The following SELENOI variants were observed in gnomAD, a reference collection of about 807,000 sequenced individuals.
The protein encoded by SELENOI is ethanolaminephosphotransferase 1.
A neutral mutation model predicts 50.7 loss-of-function variants in SELENOI; 24 were observed. The observed-to-expected ratio is 0.47, with a 90% CI of 0.34 to 0.67. The LOEUF (loss-of-function observed/expected upper bound fraction) is 0.67. Among genes scored for constraint, SELENOI ranks in the 30% least tolerant of loss-of-function variants. The probability of loss-of-function intolerance (pLI) is 0.01; values close to 1 mark genes in which losing one functional copy is unlikely to be tolerated. For synonymous variants in SELENOI, 155 were observed against 170.2 expected, an observed-to-expected ratio of 0.91 and a Z score of 0.70; for missense variants, 352 against 461.4, an observed-to-expected ratio of 0.76 and a Z score of 2.17.
chr2:26,386,014 C>G (rs1301675738), intron 8 of SELENOI, among the ~76,000 whole-genome samples: 2 of 151,780 alleles, frequency 1.3e-5, no homozygotes, highest in African/African-American at 4.8e-5. Context: ...GTGTGGGAGG[C>G]TATTTTGATT....
intron 4 of SELENOI, among the ~76,000 whole-genome samples, chr2:26,371,727 G>C (rs995268843): frequency 6.6e-6 from 1 of 152,226 alleles, no homozygotes; most frequent in Non-Finnish European, 1.5e-5. Context: ...CAGGCGTGGC[G>C]GCGTGCGCCT....
chr2:26,358,126 G>T (rs1677101576), intron 1 of SELENOI, among the ~76,000 whole-genome samples: 1 of 152,100 alleles, frequency 6.6e-6, no homozygotes, highest in Non-Finnish European at 1.5e-5. Flanking sequence ...GTCTCAGTGG[G>T]GCGCAGTGGC....
Position 26,395,314 on chromosome 2 carries a change from A to T in SELENOI, c.*6211A>T, listed in dbSNP as rs774359016. On this transcript the variant is annotated 3_prime_UTR_variant, in exon 10 of 10. Coordinates refer to ENST00000260585, the MANE Select transcript of SELENOI (RefSeq NM_033505.4). ...TGAAGCCTCTTCCTGATCTGGAGCC[A>T]CAGTCTGTCTGTCTTCCAGTTCATC... is the stretch of plus-strand genomic sequence containing the variant. 2.0e-5 allele frequency: 3 copies of T among 152,220 alleles called. No homozygotes were observed. The highest frequency in any genetic ancestry group is 7.2e-5 in the African/African-American group (3 of 41,448). 9.4% of individuals were successfully genotyped at this position (152,220 alleles called of 1,614,324 possible).
rs753599098 is a variant in SELENOI, at chr2:26,367,248, G to C, written c.310+28G>C. On this transcript the variant is annotated intron_variant, in intron 4 of 9. Coordinates refer to ENST00000260585, the MANE Select transcript of SELENOI (RefSeq NM_033505.4). ...AAGGAATTGGTAAATACTTACTATA[G>C]TCAGTGACTGGTGAATCAGCAAGGA... 3 of 1,562,018 alleles carry C rather than the reference G, an allele frequency of 1.9e-6. No individual in the cohort carries two copies. The South Asian group carries it at 3.5e-5, about 18-fold the overall frequency.
intron 1 of SELENOI, among the ~76,000 whole-genome samples, chr2:26,350,000 T>C (rs1001027404): frequency 6.6e-6 from 1 of 150,688 alleles, no homozygotes; most frequent in Non-Finnish European, 1.5e-5. Flanking sequence ...TCCTAGCTAC[T>C]TGGGAGGCTG....
rs928631786 is a variant in SELENOI at position 26,394,759 on chromosome 2, T to C, written c.*5656T>C. 6.6e-6 allele frequency: 1 copy of C among 152,112 alleles called. No individual in the cohort carries two copies. Among genetic ancestry groups the C allele is most frequent in the East Asian group, 1.9e-4 (1 of 5,194 alleles). 9.4% of individuals were successfully genotyped at this position (152,112 alleles called of 1,614,324 possible). ...CCCCAGTCCCCTCCATCTAACATAA[T>C]ACAGTAAATTTGTAGCCAGTTGTAG... On this transcript the variant is annotated 3_prime_UTR_variant, in exon 10 of 10. Transcript: ENST00000260585. The surrounding 1 kb of genome is among the most constrained non-coding windows in gnomAD (Gnocchi z 4.1).
chr2:26,356,291 GGGACTACA>G (rs1262370203), intron 1 of SELENOI, among the ~76,000 whole-genome samples: 8 of 152,162 alleles, frequency 5.3e-5, no homozygotes, highest in African/African-American at 1.9e-4. Flanking sequence ...CTGAGTAGCT[GGGACTACA>G]GGCGTGTACT....
chr2:26,385,915 G>A (rs1407076717), intron 8 of SELENOI, among the ~76,000 whole-genome samples: 1 of 152,224 alleles, frequency 6.6e-6, no homozygotes, highest in Non-Finnish European at 1.5e-5. Context: ...AGGAGCCAAA[G>A]AGGTTTTGAG....
chr2:26,372,183 G>A (rs971964909), intron 4 of SELENOI, among the ~76,000 whole-genome samples: 1 of 152,172 alleles, frequency 6.6e-6, no homozygotes, highest in Non-Finnish European at 1.5e-5. Context: ...TGTGATCTCA[G>A]CTCACTGCAA....
intron 7 of SELENOI, among the ~76,000 whole-genome samples, chr2:26,384,461 C>G (rs1476185369): frequency 6.6e-6 from 1 of 152,170 alleles, no homozygotes; most frequent in African/African-American, 2.4e-5. Context: ...ATTGTATAAC[C>G]TCCTGTGTGC....
chr2:26,357,199 A>C (rs1284310435), intron 1 of SELENOI, among the ~76,000 whole-genome samples: 1 of 152,208 alleles, frequency 6.6e-6, no homozygotes, highest in Non-Finnish European at 1.5e-5. Context: ...TTTTGCCATA[A>C]ATCAATTCTG....
chr2:26,358,302 G>T (rs752311302), intron 1 of SELENOI, among the ~76,000 whole-genome samples: 1 of 152,148 alleles, frequency 6.6e-6, no homozygotes, highest in Non-Finnish European at 1.5e-5. Context: ...CAGGAGAATC[G>T]CTTGAACCTG....
rs1678029806 is a variant in SELENOI at position 26,393,983 on chromosome 2, T to C, written c.*4880T>C. The stretch of plus-strand genomic sequence containing the variant: ...CCATAAATTCTAGATTCTGATATTC[T>C]TGACAAGCACTTTTTGAATATCTCA... On this transcript the variant is annotated 3_prime_UTR_variant, in exon 10 of 10. Coordinates refer to ENST00000260585, the MANE Select transcript of SELENOI (RefSeq NM_033505.4). The C allele has an allele frequency of 6.6e-6, 1 of 152,242 alleles. No homozygotes were observed. The highest frequency in any genetic ancestry group is 2.4e-5 in the African/African-American group (1 of 41,460). The allele number at this position is 152,242 out of a possible 1,614,324, so 9.4% of individuals were successfully genotyped here. A position where few individuals can be genotyped will look rare whatever the true frequency, so the allele number is the denominator to read the frequency against.
At chr2:26,371,782 G>A (rs1677457260) in intron 4 of SELENOI, among the ~76,000 whole-genome samples, 1 of 152,206 alleles carries the variant, frequency 6.6e-6, no homozygotes, top group African/African-American at 2.4e-5. Flanking sequence ...AATCAGGCAG[G>A]GAGATTGCAG....
chr2:26,373,725 T>C (rs1212236370), intron 5 of SELENOI, 96 bp downstream of exon 5: 1 of 1,269,376 alleles, frequency 7.9e-7, no homozygotes, highest in Admixed American at 2.7e-5. Context: ...CTTTTTTGAT[T>C]AGAATTGATA....
chr2:26,378,656 T>C (rs576779499), intron 6 of SELENOI, among the ~76,000 whole-genome samples: 5 of 152,244 alleles, frequency 3.3e-5, no homozygotes, highest in African/African-American at 1.2e-4. Context: ...TGTTCCCCAG[T>C]GTTTCAAGTG....
At chr2:26,385,513 T>G (rs1158710633) in intron 8 of SELENOI, among the ~76,000 whole-genome samples, 1 of 152,210 alleles carries the variant, frequency 6.6e-6, no homozygotes, top group Non-Finnish European at 1.5e-5. Flanking sequence ...AAGAGATTTT[T>G]GAGAAAGAGA....
intron 1 of SELENOI, among the ~76,000 whole-genome samples, chr2:26,358,302 G>A (rs752311302): frequency 4.6e-5 from 7 of 152,148 alleles, no homozygotes; most frequent in East Asian, 1.9e-4. Context: ...CAGGAGAATC[G>A]CTTGAACCTG....
At chr2:26,363,973 C>CT (rs1677233790) in intron 1 of SELENOI, among the ~76,000 whole-genome samples, 1 of 152,108 alleles carries the variant, frequency 6.6e-6, no homozygotes, top group African/African-American at 2.4e-5. Context: ...AACTCCTGAC[C>CT]TCAAGTAATC....
Sources: gnomAD v4.1 joint callset for allele counts (sites outside exome capture counted in the v4.1 genomes callset) on GRCh38, gnomAD v4.1.1 for gene constraint, Gnocchi (gnomAD v3.1) non-coding constraint, MANE v1.5 for transcripts, NCBI Gene and HGNC (gene_info 2026-07-23, HGNC 2026-07-21) for gene names.